Variants in SLC24A3 observed in about 807,000 individuals in gnomAD.
SLC24A3 encodes the protein sodium/potassium/calcium exchanger 3.
SLC24A3 carries 28 observed loss-of-function variants against 75.8 expected under a neutral mutation model. The ratio of observed to expected loss-of-function variants is 0.37; its 90% CI spans 0.27 to 0.51. SLC24A3 has a LOEUF of 0.51. Among genes scored for constraint, SLC24A3 ranks in the 20% least tolerant of loss-of-function variants. The probability of loss-of-function intolerance (pLI) is 0.94; values close to 1 mark genes in which losing one functional copy is unlikely to be tolerated. For synonymous variants in SLC24A3, 372 were observed against 334.1 expected, an observed-to-expected ratio of 1.11 and a Z score of -1.24; for missense variants, 663 against 847.8, an observed-to-expected ratio of 0.78 and a Z score of 2.71.
chr20:19,720,420 C>T (rs1269602488), intron 16 of SLC24A3, among the ~76,000 whole-genome samples: 1 of 152,176 alleles, frequency 6.6e-6, no homozygotes, highest in African/African-American at 2.4e-5. Context: ...GCCGGGGTTA[C>T]ATCGTTGGCT....
At chr20:19,517,832 A>G (rs1218869772) in intron 3 of SLC24A3, among the ~76,000 whole-genome samples, 1 of 152,168 alleles carries the variant, frequency 6.6e-6, no homozygotes, top group Non-Finnish European at 1.5e-5. Flanking sequence ...CACAACATAC[A>G]TGCCTGTGTC....
intron 2 of SLC24A3, among the ~76,000 whole-genome samples, chr20:19,333,005 CT>C (rs1177877396): frequency 1.3e-5 from 2 of 152,176 alleles, no homozygotes; most frequent in African/African-American, 2.4e-5. Flanking sequence ...GGGGCTGTGT[CT>C]GGGTTCTTGT....
rs567722645 is a variant in SLC24A3, at chr20:19,250,819, T to G, written c.143-30140T>G. On this transcript the variant is annotated intron_variant, in intron 1 of 16. Coordinates refer to ENST00000328041, the MANE Select transcript of SLC24A3 (RefSeq NM_020689.4). ...GGATCTGGGAGTGTGCCAGGGACTT[T>G]CACATATCATCATCCACAATCCTCA... Among the ~76,000 whole-genome samples the G allele has an allele frequency of 5.9e-5, 9 of 152,294 alleles. No individual in the cohort carries two copies. The East Asian group carries it at 1.7e-3, about 29-fold the overall frequency.
At position 19,527,917 on chromosome 20, in the gene SLC24A3, A is replaced by G. The variant is rs553403973; in HGVS notation, c.348+12353A>G. 2.9e-3 allele frequency among the ~76,000 whole-genome samples: 443 copies of G among 152,268 alleles called. 1 individual carries two copies. The highest frequency in any genetic ancestry group is 5.5e-3 in the Non-Finnish European group (372 of 68,012). On this transcript the variant is annotated intron_variant, in intron 3 of 16. Transcript: ENST00000328041. ...TCCCACACATGAAAGGTACCCAAAC[A>G]TATCACCAACTAAGGGCGGGTGGAG...
intron 2 of SLC24A3, among the ~76,000 whole-genome samples, chr20:19,478,784 A>G (rs1003494955): frequency 6.6e-6 from 1 of 152,208 alleles, no homozygotes; most frequent in South Asian, 2.1e-4. Context: ...TTCATGTTAC[A>G]TGATGAGGAA....
At chr20:19,413,799 C>G (rs1034616702) in intron 2 of SLC24A3, among the ~76,000 whole-genome samples, 2 of 152,146 alleles carry the variant, frequency 1.3e-5, no homozygotes, top group Admixed American at 1.3e-4. Context: ...AAGAAATCAT[C>G]ATGGAATCAA....
chr20:19,530,840 G>T (rs192413135), intron 3 of SLC24A3, among the ~76,000 whole-genome samples: 174 of 152,246 alleles, frequency 1.1e-3, no homozygotes, highest in African/African-American at 3.9e-3. Flanking sequence ...GACACTCCAG[G>T]GGGAAAGGCT....
At chr20:19,687,333 C>G (rs1228672041) in intron 12 of SLC24A3, among the ~76,000 whole-genome samples, 1 of 152,150 alleles carries the variant, frequency 6.6e-6, no homozygotes, top group South Asian at 2.1e-4. Flanking sequence ...CTCTGGCTCC[C>G]CTTTTGCTTT....
chr20:19,706,123 C>T (rs1258363911), intron 15 of SLC24A3, among the ~76,000 whole-genome samples: 1 of 152,108 alleles, frequency 6.6e-6, no homozygotes, highest in Non-Finnish European at 1.5e-5. Flanking sequence ...CAAGAGACCA[C>T]CAGAGTCCAG....
At chr20:19,605,880 G>A (rs1343668749) in intron 6 of SLC24A3, among the ~76,000 whole-genome samples, 1 of 152,184 alleles carries the variant, frequency 6.6e-6, no homozygotes, top group African/African-American at 2.4e-5. Flanking sequence ...GAAGGGAAGA[G>A]GCTACACCTC....
intron 2 of SLC24A3, among the ~76,000 whole-genome samples, chr20:19,482,080 T>G (rs1988064818): frequency 6.6e-6 from 1 of 152,206 alleles, no homozygotes; most frequent in Non-Finnish European, 1.5e-5. Context: ...CCTCCAATAC[T>G]CTGTACACAT....
chr20:19,447,024 G>C (rs747904791), intron 2 of SLC24A3, among the ~76,000 whole-genome samples: 1 of 152,274 alleles, frequency 6.6e-6, no homozygotes, highest in Non-Finnish European at 1.5e-5. Context: ...ATCCCACAAA[G>C]CTGGAGCAAT....
rs898920411 is a variant in SLC24A3, at chr20:19,452,478, G to A, written c.272-63010G>A. Among the ~76,000 whole-genome samples, 5 of 151,450 alleles carry A rather than the reference G, an allele frequency of 3.3e-5. 1 individual carries two copies. In the South Asian group the frequency reaches 8.4e-4, roughly 25 times the overall value. ...GTCCTTAGAGAAAGGAAGGGAGAAT[G>A]TGAGAGTGATGGGGTACACTGGGAC... On this transcript the variant is annotated intron_variant, in intron 2 of 16. Coordinates refer to ENST00000328041, the MANE Select transcript of SLC24A3 (RefSeq NM_020689.4).
At chr20:19,633,845 TTAAG>T (rs910126285) in intron 6 of SLC24A3, among the ~76,000 whole-genome samples, 24 of 152,168 alleles carry the variant, frequency 1.6e-4, no homozygotes, top group African/African-American at 5.8e-4. Context: ...AGCACCCTTC[TTAAG>T]GAGTTGTGTG....
At chr20:19,673,937 A>G (rs1182920786) in intron 9 of SLC24A3, among the ~76,000 whole-genome samples, 1 of 152,194 alleles carries the variant, frequency 6.6e-6, no homozygotes, top group East Asian at 1.9e-4. Flanking sequence ...CAGCTCTGGG[A>G]GGTTTCTTCA....
At chr20:19,328,498 C>T (rs1008749633) in intron 2 of SLC24A3, among the ~76,000 whole-genome samples, 4 of 152,130 alleles carry the variant, frequency 2.6e-5, no homozygotes, top group Admixed American at 6.5e-5. Flanking sequence ...TATCTGATTC[C>T]GGACATGGTT....
intron 15 of SLC24A3, among the ~76,000 whole-genome samples, chr20:19,716,238 G>A (rs768366258): frequency 2.4e-4 from 37 of 151,928 alleles, no homozygotes; most frequent in Admixed American, 7.2e-4. Flanking sequence ...TGGGGCAGCC[G>A]GCCTCATGAC....
At chr20:19,295,509 T>C (rs1017328070) in intron 2 of SLC24A3, among the ~76,000 whole-genome samples, 5 of 152,204 alleles carry the variant, frequency 3.3e-5, no homozygotes, top group African/African-American at 1.2e-4. Context: ...ATGACTCTTA[T>C]TATTTTAAGG....
At chr20:19,475,820 T>A (rs6046126) in intron 2 of SLC24A3, among the ~76,000 whole-genome samples, 4 of 152,106 alleles carry the variant, frequency 2.6e-5, no homozygotes, top group Admixed American at 1.3e-4. Context: ...GAAAATATTC[T>A]GATGGAGAGC....
Sources: gnomAD v4.1 joint callset for allele counts (sites outside exome capture counted in the v4.1 genomes callset) on GRCh38, gnomAD v4.1.1 for gene constraint, MANE v1.5 for transcripts, NCBI Gene and HGNC (gene_info 2026-07-23, HGNC 2026-07-21) for gene names.